STXBP5L: variants seen among roughly 807,000 people sequenced by gnomAD.
STXBP5L encodes syntaxin binding protein 5L.
In STXBP5L, 65 loss-of-function variants were observed where a neutral mutation model predicts 144.5. That is an observed-to-expected ratio of 0.45 (90% confidence interval 0.37 to 0.55). The LOEUF is 0.55. STXBP5L is among the 20% of genes least tolerant of loss of function. The pLI is 0.00. For synonymous variants in STXBP5L, 505 were observed against 469.6 expected (o/e 1.08, Z -0.97); for missense variants, 1,298 against 1,405.5 (o/e 0.92, Z 1.22).
At chr3:121,080,651 C>CAATCCCTTCTGGCTTG (rs924504907) in intron 5 of STXBP5L, among the ~76,000 whole-genome samples, 4 of 152,228 alleles carry the variant, frequency 2.6e-5, no homozygotes, top group Admixed American at 6.5e-5. Flanking sequence ...GATGGGACCA[C>CAATCCCTTCTGGCTTG]AATCCCTTCT....
At chr3:121,094,022 G>T (rs559689539) in intron 5 of STXBP5L, among the ~76,000 whole-genome samples, 18 of 152,120 alleles carry the variant, frequency 1.2e-4, no homozygotes, top group Admixed American at 8.5e-4. Flanking sequence ...CCTTCATTTT[G>T]TTATGTGCCC....
At chr3:120,985,954 G>T (rs1942248358) in intron 3 of STXBP5L, among the ~76,000 whole-genome samples, 1 of 151,374 alleles carries the variant, frequency 6.6e-6, no homozygotes, top group South Asian at 2.1e-4. Context: ...TTGTTCTGAT[G>T]GCTGTGTGTT....
intron 20 of STXBP5L, among the ~76,000 whole-genome samples, chr3:121,375,695 A>G (rs187711556): frequency 1.3e-5 from 2 of 152,338 alleles, no homozygotes; most frequent in Non-Finnish European, 2.9e-5. Flanking sequence ...GGTGAAAACT[A>G]ATTTTCATCT....
intron 5 of STXBP5L, among the ~76,000 whole-genome samples, chr3:121,095,816 C>T (rs1459227543): frequency 6.6e-6 from 1 of 152,196 alleles, no homozygotes; most frequent in Non-Finnish European, 1.5e-5. Context: ...CAGCTTTGTT[C>T]TGTTGCTGGT....
chr3:121,128,630 G>A (rs1487424683), intron 7 of STXBP5L, among the ~76,000 whole-genome samples: 1 of 152,016 alleles, frequency 6.6e-6, no homozygotes, highest in African/African-American at 2.4e-5. Context: ...GGCAATATGG[G>A]CTTAATTACC....
intron 3 of STXBP5L, among the ~76,000 whole-genome samples, chr3:121,003,888 C>G (rs540413127): frequency 6.6e-6 from 1 of 152,284 alleles, no homozygotes; most frequent in South Asian, 2.1e-4. Flanking sequence ...TTTCTGAGGG[C>G]TCTGTTCTGT....
intron 3 of STXBP5L, among the ~76,000 whole-genome samples, 157 bp downstream of exon 3, chr3:120,955,194 A>C (rs1008794316): frequency 2.0e-5 from 3 of 152,094 alleles, no homozygotes; most frequent in African/African-American, 7.2e-5. Flanking sequence ...ATTTATTGGC[A>C]TATTTTTAAT....
chr3:121,065,794 G>A (rs528875457), intron 5 of STXBP5L, among the ~76,000 whole-genome samples: 1 of 152,102 alleles, frequency 6.6e-6, no homozygotes, highest in Non-Finnish European at 1.5e-5. Flanking sequence ...TGTGGCCAGG[G>A]CTGTGCGATT....
intron 3 of STXBP5L, among the ~76,000 whole-genome samples, chr3:120,957,331 TATG>T (rs1380358729): frequency 1.3e-5 from 2 of 151,978 alleles, no homozygotes; most frequent in Admixed American, 6.6e-5. Flanking sequence ...TACTGTGATA[TATG>T]ATATTTATTG....
intron 5 of STXBP5L, among the ~76,000 whole-genome samples, chr3:121,051,028 G>C (rs1277704997): frequency 3.3e-5 from 5 of 152,192 alleles, no homozygotes; most frequent in African/African-American, 7.2e-5. Context: ...TCAACAAGAA[G>C]AGCTAACTAT....
intron 2 of STXBP5L, among the ~76,000 whole-genome samples, chr3:120,941,408 A>G (rs967671387): frequency 4.6e-5 from 7 of 151,772 alleles, no homozygotes; most frequent in Non-Finnish European, 1.0e-4. Flanking sequence ...CTAACATCCT[A>G]GCATTATATA....
chr3:121,135,760 C>T (rs907926715), intron 7 of STXBP5L, among the ~76,000 whole-genome samples: 2 of 152,124 alleles, frequency 1.3e-5, no homozygotes, highest in Non-Finnish European at 2.9e-5. Flanking sequence ...TAACAGGCCA[C>T]AGACTGGTAC....
intron 3 of STXBP5L, among the ~76,000 whole-genome samples, chr3:120,977,540 T>A (rs1941211854): frequency 6.6e-6 from 1 of 152,234 alleles, no homozygotes; most frequent in Non-Finnish European, 1.5e-5. Flanking sequence ...TTTAGTCCTT[T>A]TACATTGAAA....
At chr3:121,251,852 G>A (rs2050036760) in intron 15 of STXBP5L, among the ~76,000 whole-genome samples, 1 of 152,130 alleles carries the variant, frequency 6.6e-6, no homozygotes, top group African/African-American at 2.4e-5. Context: ...ATCAGCAAGA[G>A]AAAAGGATTA....
chr3:120,946,818 G>A (rs1235880011), intron 2 of STXBP5L, among the ~76,000 whole-genome samples: 1 of 151,630 alleles, frequency 6.6e-6, no homozygotes, highest in Non-Finnish European at 1.5e-5. Flanking sequence ...TTCTGCCAAT[G>A]GGAGGCACTT....
chr3:121,273,259 T>C (rs2050781606), intron 18 of STXBP5L, among the ~76,000 whole-genome samples: 2 of 151,970 alleles, frequency 1.3e-5, no homozygotes, highest in Admixed American at 6.6e-5. Flanking sequence ...CCTTCATTTC[T>C]GAAGAACAAT....
intron 9 of STXBP5L, among the ~76,000 whole-genome samples, chr3:121,186,012 T>C (rs964924560): frequency 1.1e-4 from 16 of 152,160 alleles, no homozygotes; most frequent in Admixed American, 7.2e-4. Flanking sequence ...AGGTCCTTCA[T>C]GTCCCTTGTA....
intron 19 of STXBP5L, among the ~76,000 whole-genome samples, chr3:121,280,940 T>C (rs2108441708): frequency 6.6e-6 from 1 of 150,958 alleles, no homozygotes; most frequent in Admixed American, 6.6e-5. Context: ...ACTTTTTAAA[T>C]TTTTTAATAA....
intron 5 of STXBP5L, among the ~76,000 whole-genome samples, chr3:121,046,367 G>A (rs1426364640): frequency 6.6e-6 from 1 of 152,056 alleles, no homozygotes; most frequent in Non-Finnish European, 1.5e-5. Context: ...GATGAAGCTG[G>A]CCTCATAGAA....
Sources: gnomAD v4.1 joint callset for allele counts (sites outside exome capture counted in the v4.1 genomes callset) on GRCh38, gnomAD v4.1.1 for gene constraint, MANE v1.5 for transcripts, NCBI Gene and HGNC (gene_info 2026-07-23, HGNC 2026-07-21) for gene names.